KCTD8: variants seen among roughly 807,000 people sequenced by gnomAD.
The protein encoded by KCTD8 is potassium channel tetramerization domain containing 8.
In KCTD8, 27 loss-of-function variants were observed where a neutral mutation model predicts 31.5. The observed-to-expected ratio is 0.86, with a 90% CI of 0.63 to 1.18. The LOEUF (loss-of-function observed/expected upper bound fraction) is 1.18. KCTD8 is among the 50% of genes most tolerant of loss of function. KCTD8 has a pLI of 0.00. For missense variants in KCTD8, 658 were observed against 647.7 expected (o/e 1.02, Z -0.17); for synonymous variants, 290 against 280.0 (o/e 1.04, Z -0.36).
chr4:44,250,183 A>G (rs1479710908), intron 1 of KCTD8, among the ~76,000 whole-genome samples: 4 of 151,724 alleles, frequency 2.6e-5, no homozygotes, highest in African/African-American at 9.7e-5. Flanking sequence ...GTGAATATTT[A>G]TAGTATGTGT....
intron 1 of KCTD8, among the ~76,000 whole-genome samples, chr4:44,398,836 C>T (rs1720575180): frequency 6.6e-6 from 1 of 152,106 alleles, no homozygotes; most frequent in Admixed American, 6.6e-5. Flanking sequence ...GAGGAAAGAG[C>T]ACGGGTGGTT....
At chr4:44,340,609 G>A (rs112926746) in intron 1 of KCTD8, among the ~76,000 whole-genome samples, 8 of 151,738 alleles carry the variant, frequency 5.3e-5, no homozygotes, top group African/African-American at 1.9e-4. Context: ...ACGCCCGGCC[G>A]ACATATGTAC....
intron 1 of KCTD8, among the ~76,000 whole-genome samples, chr4:44,299,924 T>C (rs1007003535): frequency 5.3e-5 from 8 of 151,962 alleles, no homozygotes; most frequent in Admixed American, 3.3e-4. Context: ...GCTAATTTTT[T>C]GTATTTTTAG....
chr4:44,286,056 C>G (rs1211265552), intron 1 of KCTD8, among the ~76,000 whole-genome samples: 2 of 152,116 alleles, frequency 1.3e-5, no homozygotes, highest in African/African-American at 4.8e-5. Context: ...ATGGTCACAT[C>G]TCAGTCTCCT....
intron 1 of KCTD8, among the ~76,000 whole-genome samples, chr4:44,321,184 T>A (rs934697195): frequency 1.3e-5 from 2 of 152,220 alleles, no homozygotes; most frequent in African/African-American, 4.8e-5. Flanking sequence ...TTAGTTACTC[T>A]TACTTCCTCG....
intron 1 of KCTD8, among the ~76,000 whole-genome samples, chr4:44,247,730 T>C (rs930247287): frequency 2.0e-5 from 3 of 151,912 alleles, no homozygotes; most frequent in Non-Finnish European, 1.5e-5. Context: ...TCTTCTGTGA[T>C]AGGCTTACTT....
intron 1 of KCTD8, among the ~76,000 whole-genome samples, chr4:44,204,185 T>A (rs1485847234): frequency 6.6e-6 from 1 of 151,948 alleles, no homozygotes; most frequent in African/African-American, 2.4e-5. Context: ...AAACAAGAAA[T>A]TGGGAAGAAA....
chr4:44,290,007 AG>A (rs1717222798), intron 1 of KCTD8, among the ~76,000 whole-genome samples: 2 of 152,182 alleles, frequency 1.3e-5, no homozygotes, highest in African/African-American at 4.8e-5. Flanking sequence ...CGCAATAAAA[AG>A]GCATAGAGTG....
intron 1 of KCTD8, among the ~76,000 whole-genome samples, chr4:44,379,213 G>T (rs901590365): frequency 6.6e-6 from 1 of 152,142 alleles, no homozygotes; most frequent in Non-Finnish European, 1.5e-5. Flanking sequence ...TCTTTGGGGG[G>T]TTATTATTAA....
intron 1 of KCTD8, among the ~76,000 whole-genome samples, chr4:44,188,876 G>C (rs1713675289): frequency 6.6e-6 from 1 of 152,130 alleles, no homozygotes; most frequent in Middle Eastern, 3.2e-3. Context: ...CTTAATTTTA[G>C]CCTAGTGAAA....
At chr4:44,342,366 CAAAAAAAA>C (rs34201696) in intron 1 of KCTD8, among the ~76,000 whole-genome samples, 3 of 87,524 alleles carry the variant, frequency 3.4e-5, no homozygotes, top group African/African-American at 1.3e-4. Flanking sequence ...AAGACTGTCT[CAAAAAAAA>C]AAAAAAAAAA....
chr4:44,203,257 C>T (rs564077016), intron 1 of KCTD8, among the ~76,000 whole-genome samples: 70 of 152,196 alleles, frequency 4.6e-4, no homozygotes, highest in African/African-American at 1.6e-3. Context: ...AATCCCAACA[C>T]GTTGGGAGGC....
intron 1 of KCTD8, among the ~76,000 whole-genome samples, chr4:44,425,232 G>A (rs1721315975): frequency 6.6e-6 from 1 of 151,998 alleles, no homozygotes; most frequent in African/African-American, 2.4e-5. Flanking sequence ...TAAACATTCT[G>A]ATTTGGGAAA....
At chr4:44,187,476 G>A (rs1577818237) in intron 1 of KCTD8, among the ~76,000 whole-genome samples, 1 of 152,160 alleles carries the variant, frequency 6.6e-6, no homozygotes, top group African/African-American at 2.4e-5. Context: ...TGAAGCCTGC[G>A]GAACTACTCC....
chr4:44,382,059 A>T (rs187826246), intron 1 of KCTD8, among the ~76,000 whole-genome samples: 2 of 152,266 alleles, frequency 1.3e-5, no homozygotes, highest in Admixed American at 1.3e-4. Flanking sequence ...CCCGAACAGG[A>T]GCACTCAGAT....
At chr4:44,300,973 T>A (rs1717598251) in intron 1 of KCTD8, among the ~76,000 whole-genome samples, 1 of 139,980 alleles carries the variant, frequency 7.1e-6, no homozygotes. Context: ...GGTGTTTGGT[T>A]TTTTGTCCTT....
At chr4:44,280,444 C>G (rs568768555) in intron 1 of KCTD8, among the ~76,000 whole-genome samples, 26 of 152,190 alleles carry the variant, frequency 1.7e-4, no homozygotes, top group Admixed American at 1.6e-3. Context: ...ATCCTTTTCT[C>G]AAATTTAAGA....
intron 1 of KCTD8, among the ~76,000 whole-genome samples, chr4:44,353,431 T>A (rs2109425919): frequency 6.6e-6 from 1 of 152,206 alleles, no homozygotes; most frequent in Middle Eastern, 3.4e-3. Context: ...TTAGGGTAAT[T>A]AATGTATCCA....
chr4:44,187,319 G>T (rs1713618028), intron 1 of KCTD8, among the ~76,000 whole-genome samples: 1 of 152,190 alleles, frequency 6.6e-6, no homozygotes, highest in African/African-American at 2.4e-5. Context: ...AGTTGTTACA[G>T]ACACCTTGCA....
Sources: allele counts gnomAD v4.1 joint callset (sites outside exome capture counted in the v4.1 genomes callset), GRCh38; gene constraint gnomAD v4.1.1; transcripts MANE v1.5; gene names NCBI Gene and HGNC (gene_info 2026-07-23, HGNC 2026-07-21).